The following NLGN1 variants were observed in gnomAD, a reference collection of about 807,000 sequenced individuals.
NLGN1 encodes the protein neuroligin 1.
A neutral mutation model predicts 65.5 loss-of-function variants in NLGN1; 12 were observed. The ratio of observed to expected loss-of-function variants is 0.18; its 90% CI spans 0.12 to 0.30. The LOEUF is 0.30. NLGN1 is among the 10% of genes least tolerant of loss of function. NLGN1 has a pLI of 1.00. For synonymous variants in NLGN1, 350 were observed against 359.5 expected, an observed-to-expected ratio of 0.97 and a Z score of 0.30; for missense variants, 750 against 1,007.1, an observed-to-expected ratio of 0.74 and a Z score of 3.46.
At chr3:173,718,637 CAG>C (rs1221719815) in intron 3 of NLGN1, among the ~76,000 whole-genome samples, 1 of 152,118 alleles carries the variant, frequency 6.6e-6, no homozygotes, top group African/African-American at 2.4e-5. Context: ...AAAAATGCAA[CAG>C]ATTATGATTC....
Position 174,279,090 on chromosome 3 carries a change from T to C in NLGN1, c.1089T>C (p.Asp363=). 6.2e-7 allele frequency: 1 copy of C among 1,613,388 alleles called. No individual in the cohort carries two copies. The highest frequency in any genetic ancestry group is 1.3e-5 in the African/African-American group (1 of 74,960). The change falls in exon 6 of 7, where the codon GAT becomes GAC. Residue 363 remains aspartate, a synonymous_variant. Coordinates refer to ENST00000457714, the Ensembl canonical transcript of NLGN1. The surrounding 1 kb of genome is among the most constrained non-coding windows in gnomAD (Gnocchi z 4.7). ...CCTTTGGACCTGTGATTGATGGTGA[T>C]GTAATACCAGACGACCCCCAGATAT... is the stretch of plus-strand genomic sequence containing the variant.
At chr3:173,862,070 A>AT (rs1267176175) in intron 4 of NLGN1, among the ~76,000 whole-genome samples, 1 of 151,838 alleles carries the variant, frequency 6.6e-6, no homozygotes, top group Non-Finnish European at 1.5e-5. Flanking sequence ...CACCCGGCCA[A>AT]TTTTTCATTT....
At chr3:173,668,261 T>A (rs1668494658) in intron 3 of NLGN1, among the ~76,000 whole-genome samples, 1 of 152,124 alleles carries the variant, frequency 6.6e-6, no homozygotes, top group South Asian at 2.1e-4. Flanking sequence ...TATGTGAAAG[T>A]AGTTATCAGT....
intron 3 of NLGN1, among the ~76,000 whole-genome samples, chr3:173,668,834 G>A (rs1435483289): frequency 6.6e-6 from 1 of 151,982 alleles, no homozygotes; most frequent in Non-Finnish European, 1.5e-5. Context: ...ATGTTGGTCA[G>A]GCTGGTCTTG....
rs541306846 is a variant in NLGN1 at position 174,149,645 on chromosome 3, G to T, written c.647-125670G>T. ...ATCACCACTTTATGAAAATAATGTA[G>T]CCATTAAAGAAATATTGATAAATTT... On this transcript the variant is annotated intron_variant, in intron 4 of 6. Coordinates refer to ENST00000457714, the Ensembl canonical transcript of NLGN1. Among the ~76,000 whole-genome samples, 5 of 152,076 alleles carry T rather than the reference G, an allele frequency of 3.3e-5. No homozygotes were observed. The East Asian group carries it at 9.6e-4, about 29-fold the overall frequency.
chr3:173,526,524 T>C (rs1458646999), intron 2 of NLGN1, among the ~76,000 whole-genome samples: 1 of 152,180 alleles, frequency 6.6e-6, no homozygotes, highest in Non-Finnish European at 1.5e-5. Context: ...TATTTTGATA[T>C]AGGCATCCAA....
intron 2 of NLGN1, among the ~76,000 whole-genome samples, chr3:173,588,798 A>T (rs1482479316): frequency 6.6e-6 from 1 of 152,136 alleles, no homozygotes; most frequent in African/African-American, 2.4e-5. Flanking sequence ...GCAGTCTGTC[A>T]TCCTGACACT....
intron 3 of NLGN1, among the ~76,000 whole-genome samples, chr3:173,655,495 A>G (rs945673297): frequency 5.9e-5 from 9 of 151,954 alleles, no homozygotes; most frequent in Non-Finnish European, 1.3e-4. Context: ...TCAGTATGTT[A>G]TCATTTTGAG....
chr3:174,124,358 G>C (rs1351967721), intron 4 of NLGN1, among the ~76,000 whole-genome samples: 3 of 151,750 alleles, frequency 2.0e-5, no homozygotes, highest in Non-Finnish European at 4.4e-5. Context: ...GATATTTCTT[G>C]AGCACCTGTT....
intron 4 of NLGN1, among the ~76,000 whole-genome samples, chr3:173,835,616 C>G (rs971417542): frequency 9.2e-5 from 14 of 151,680 alleles, no homozygotes; most frequent in South Asian, 6.2e-4. Flanking sequence ...CACACTTTTT[C>G]TCTCATCTAT....
At chr3:173,663,322 C>T (rs1246563346) in intron 3 of NLGN1, among the ~76,000 whole-genome samples, 1 of 151,886 alleles carries the variant, frequency 6.6e-6, no homozygotes, top group Non-Finnish European at 1.5e-5. Flanking sequence ...ACAATGATAG[C>T]TGATTTGCTA....
chr3:173,952,605 T>C (rs1355700121), intron 4 of NLGN1, among the ~76,000 whole-genome samples: 3 of 152,156 alleles, frequency 2.0e-5, no homozygotes, highest in Non-Finnish European at 2.9e-5. Flanking sequence ...CTGGAATAGA[T>C]AGCTGTTTCA....
chr3:173,845,643 GATAGATAA>G (rs1428750471), intron 4 of NLGN1, among the ~76,000 whole-genome samples: 7 of 150,604 alleles, frequency 4.6e-5, no homozygotes, highest in African/African-American at 1.5e-4. Flanking sequence ...TAGATAGATA[GATAGATAA>G]ATAGACGAAT....
chr3:173,996,437 A>G (rs1036926179), intron 4 of NLGN1, among the ~76,000 whole-genome samples: 2 of 152,190 alleles, frequency 1.3e-5, no homozygotes, highest in East Asian at 1.9e-4. Context: ...TGCCTTTACC[A>G]GTAAGTTACG....
At chr3:173,489,432 G>A (rs1728729983) in intron 2 of NLGN1, among the ~76,000 whole-genome samples, 1 of 152,116 alleles carries the variant, frequency 6.6e-6, no homozygotes, top group African/African-American at 2.4e-5. Context: ...TTTTATGGTT[G>A]CATAGTATTC....
At chr3:173,832,926 C>T (rs1578684570) in intron 4 of NLGN1, among the ~76,000 whole-genome samples, 1 of 152,096 alleles carries the variant, frequency 6.6e-6, no homozygotes, top group South Asian at 2.1e-4. Flanking sequence ...TATTGGCAAT[C>T]TTTTCTGGTC....
intron 4 of NLGN1, among the ~76,000 whole-genome samples, chr3:174,268,893 A>G (rs1748800258): frequency 6.6e-6 from 1 of 152,076 alleles, no homozygotes; most frequent in African/African-American, 2.4e-5. Flanking sequence ...AGATTCACCA[A>G]AACATAAAAT....
chr3:173,517,750 T>C (rs997859833), intron 2 of NLGN1, among the ~76,000 whole-genome samples: 38 of 147,232 alleles, frequency 2.6e-4, no homozygotes, highest in East Asian at 6.1e-4. Flanking sequence ...TTTCGCAAAT[T>C]TATCTATCTA....
intron 4 of NLGN1, among the ~76,000 whole-genome samples, chr3:174,260,128 A>T: frequency 6.6e-6 from 1 of 151,510 alleles, no homozygotes; most frequent in East Asian, 1.9e-4. Context: ...TATTGTGAAT[A>T]ATGCCGCAAT....
Sources: allele counts gnomAD v4.1 joint callset (sites outside exome capture counted in the v4.1 genomes callset), GRCh38; gene constraint gnomAD v4.1.1; non-coding constraint Gnocchi (gnomAD v3.1); transcripts MANE v1.5; gene names NCBI Gene and HGNC (gene_info 2026-07-23, HGNC 2026-07-21).